Variants in NIPBL observed in about 807,000 individuals in gnomAD.
NIPBL encodes the protein NIPBL cohesin loading factor, also known as nipped-B-like protein.
A neutral mutation model predicts 321.8 loss-of-function variants in NIPBL; 19 were observed. That is an observed-to-expected ratio of 0.06 (90% CI 0.04 to 0.09). NIPBL has a LOEUF of 0.09. Among genes scored for constraint, NIPBL ranks in the 10% least tolerant of loss-of-function variants. The probability of loss-of-function intolerance (pLI) is 1.00; values close to 1 mark genes in which losing one functional copy is unlikely to be tolerated. For missense variants in NIPBL, 2,210 were observed against 3,327.0 expected, an observed-to-expected ratio of 0.66 and a Z score of 8.26; for synonymous variants, 1,106 against 1,114.1, an observed-to-expected ratio of 0.99 and a Z score of 0.14.
In NIPBL at chr5:36,985,087, G is replaced by C; in HGVS notation, c.1907G>C (p.Ser636Thr). Reference sequence around the variant, plus strand: ...AACCGATTGGTGGAGACAAAATCAAGTGAAAATAAGTTAGAAACTAAAGTT... The same window carrying C: ...AACCGATTGGTGGAGACAAAATCAACTGAAAATAAGTTAGAAACTAAAGTT... ...NENRLVETKS[S>T]ENKLETKVET... Residue 636 changes from serine to threonine, a missense_variant, in exon 10 of 47, where the codon AGT (serine) becomes ACT (threonine). Transcript: ENST00000282516. The C allele has an allele frequency of 6.2e-7, 1 of 1,613,842 alleles. No individual in the cohort carries two copies. Among genetic ancestry groups the C allele is most frequent in the Non-Finnish European group, 8.5e-7 (1 of 1,179,924 alleles).
At chr5:36,969,364 C>T (rs1742598708) in intron 6 of NIPBL, among the ~76,000 whole-genome samples, 1 of 152,136 alleles carries the variant, frequency 6.6e-6, no homozygotes, top group East Asian at 1.9e-4. Flanking sequence ...TGTAGCAGCT[C>T]AGTCTAACAA....
chr5:37,017,838 AAAG>A (rs1749166906), intron 24 of NIPBL, among the ~76,000 whole-genome samples: 1 of 152,154 alleles, frequency 6.6e-6, no homozygotes, highest in African/African-American at 2.4e-5. Context: ...GGAATAGTAC[AAAG>A]AACTCCCATA....
intron 32 of NIPBL, among the ~76,000 whole-genome samples, chr5:37,033,552 A>G (rs1330627371): frequency 3.1e-5 from 3 of 98,032 alleles, no homozygotes; most frequent in African/African-American, 1.5e-4. Context: ...TTGACTGTCC[A>G]TAAGAATTAA....
chr5:36,891,284 GAAAT>G, intron 1 of NIPBL, among the ~76,000 whole-genome samples: 1 of 151,998 alleles, frequency 6.6e-6, no homozygotes, highest in East Asian at 1.9e-4. Flanking sequence ...AAAAGAAAAA[GAAAT>G]AAAAGACTTC....
chr5:36,946,104 G>T (rs1739638195), intron 1 of NIPBL, among the ~76,000 whole-genome samples: 1 of 151,804 alleles, frequency 6.6e-6, no homozygotes. Context: ...ATTCTTTAAT[G>T]TGAGAAGGCT....
chr5:36,900,497 G>A (rs1053879672), intron 1 of NIPBL, among the ~76,000 whole-genome samples: 2 of 152,118 alleles, frequency 1.3e-5, no homozygotes, highest in African/African-American at 4.8e-5. Context: ...ACTTGCTCAA[G>A]AGATGAGAGA....
intron 1 of NIPBL, among the ~76,000 whole-genome samples, chr5:36,915,978 C>A (rs1445089712): frequency 6.6e-6 from 1 of 152,086 alleles, no homozygotes; most frequent in Non-Finnish European, 1.5e-5. Context: ...CATCTGAAGT[C>A]CATTTCTTTA....
chr5:37,055,877 G>A (rs556288890), intron 42 of NIPBL, among the ~76,000 whole-genome samples: 1 of 152,066 alleles, frequency 6.6e-6, no homozygotes, highest in African/African-American at 2.4e-5. Flanking sequence ...CAGGCCTGGT[G>A]GTATGCACCT....
Position 37,066,190 on chromosome 5 carries a change from A to T in NIPBL, c.*1298A>T, listed in dbSNP as rs1175497117. Reference sequence around the variant, plus strand: ...TAATCATTTGATATGTATAGTTGACACTCAGGAATAGTAATGCCTAAAATT... The same window carrying T: ...TAATCATTTGATATGTATAGTTGACTCTCAGGAATAGTAATGCCTAAAATT... On this transcript the variant is annotated 3_prime_UTR_variant, in exon 47 of 47. Coordinates refer to ENST00000282516, the MANE Select transcript of NIPBL (RefSeq NM_133433.4). 6.6e-6 allele frequency: 1 copy of T among 152,162 alleles called. No homozygotes were observed. Among genetic ancestry groups the T allele is most frequent in the East Asian group, 1.9e-4 (1 of 5,194 alleles). 9.4% of individuals were successfully genotyped at this position (152,162 alleles called of 1,614,324 possible).
intron 27 of NIPBL, 73 bp from the exon 28 acceptor site, chr5:37,021,978 A>T (rs1231544509): frequency 6.3e-6 from 7 of 1,105,842 alleles, no homozygotes; most frequent in Non-Finnish European, 9.5e-6. Flanking sequence ...TTTCTTTTGC[A>T]TGTTTTCATG....
chr5:37,008,805 C>G, intron 20 of NIPBL, 82 bp downstream of exon 20: 3 of 803,874 alleles, frequency 3.7e-6, no homozygotes, highest in Non-Finnish European at 6.6e-6. Context: ...TCATTTCTGT[C>G]TGATTTATAT....
chr5:37,052,269 A>T, intron 41 of NIPBL, 97 bp from the exon 42 acceptor site: 1 of 949,352 alleles, frequency 1.1e-6, no homozygotes, highest in Non-Finnish European at 1.7e-6. Context: ...ATTAAAAAAA[A>T]ACAATGAAGC....
At position 37,010,231 on chromosome 5, in the gene NIPBL, G is replaced by C. The variant is rs1300640959; in HGVS notation, c.4560+6G>C. 1.3e-6 allele frequency: 2 copies of C among 1,594,820 alleles called. No homozygotes were observed. The highest frequency in any genetic ancestry group is 1.7e-6 in the Non-Finnish European group (2 of 1,163,142). The stretch of plus-strand genomic sequence containing the variant: ...AAGAAGATTCAAATAAAAAAGTAAG[G>C]AATCTATTAAAGGTTTTACAACTGT... On this transcript the variant is annotated splice_donor_region_variant and intron_variant, in intron 21 of 46. Transcript: ENST00000282516.
chr5:36,908,167 A>C (rs764630257), intron 1 of NIPBL, among the ~76,000 whole-genome samples: 1 of 152,202 alleles, frequency 6.6e-6, no homozygotes, highest in Non-Finnish European at 1.5e-5. Context: ...GTCACTATGT[A>C]ACATGTTTAC....
At chr5:37,048,167 A>G (rs989372760) in intron 38 of NIPBL, among the ~76,000 whole-genome samples, 1 of 152,144 alleles carries the variant, frequency 6.6e-6, no homozygotes, top group African/African-American at 2.4e-5. Context: ...GACTCACCCA[A>G]GGTCACACTA....
At chr5:36,922,379 A>G (rs1470064032) in intron 1 of NIPBL, among the ~76,000 whole-genome samples, 1 of 152,180 alleles carries the variant, frequency 6.6e-6, no homozygotes, top group Non-Finnish European at 1.5e-5. Context: ...TATTCATAGT[A>G]TAGGTGAAAT....
chr5:36,964,004 C>G (rs1204290260), intron 6 of NIPBL, among the ~76,000 whole-genome samples: 4 of 152,244 alleles, frequency 2.6e-5, no homozygotes, highest in African/African-American at 9.6e-5. Context: ...TAAATTTTAT[C>G]TCTAAGAAAT....
intron 6 of NIPBL, among the ~76,000 whole-genome samples, chr5:36,963,101 A>G (rs979613149): frequency 1.3e-5 from 2 of 152,136 alleles, no homozygotes; most frequent in Non-Finnish European, 2.9e-5. Flanking sequence ...TTAATGTCAT[A>G]ATGTTGATAT....
intron 32 of NIPBL, among the ~76,000 whole-genome samples, chr5:37,032,965 A>G (rs983882469): frequency 1.3e-5 from 2 of 152,216 alleles, no homozygotes; most frequent in African/African-American, 4.8e-5. Context: ...AAGCTAAATT[A>G]TACTTTAAAA....
Sources: allele counts gnomAD v4.1 joint callset (sites outside exome capture counted in the v4.1 genomes callset), GRCh38; gene constraint gnomAD v4.1.1; transcripts MANE v1.5; gene names NCBI Gene and HGNC (gene_info 2026-07-23, HGNC 2026-07-21).